Variants in NPC1L1 observed in about 807,000 individuals in gnomAD.
NPC1L1 encodes the protein NPC1 like intracellular cholesterol transporter 1.
Under a neutral mutation model 117.0 loss-of-function variants are expected in NPC1L1, and 98 were observed. The ratio of observed to expected loss-of-function variants is 0.84; its 90% CI spans 0.71 to 0.99. The LOEUF is 0.99. Among genes scored for constraint, NPC1L1 ranks in the 50% least tolerant of loss-of-function variants. The probability of loss-of-function intolerance (pLI) is 0.00; values close to 1 mark genes in which losing one functional copy is unlikely to be tolerated. For synonymous variants in NPC1L1, 729 were observed against 727.6 expected, an observed-to-expected ratio of 1.00 and a Z score of -0.03; for missense variants, 1,540 against 1,710.0, an observed-to-expected ratio of 0.90 and a Z score of 1.75.
At position 44,540,016 on chromosome 7, in the gene NPC1L1, G is replaced by A. The variant is rs144577173; in HGVS notation, c.381C>T (p.Asn127=). 9.5e-5 allele frequency: 154 copies of A among 1,614,128 alleles called. No homozygotes were observed. The highest frequency in any genetic ancestry group is 1.3e-4 in the Non-Finnish European group (149 of 1,180,044). Residue 127 remains asparagine (N), a synonymous_variant, in exon 2 of 19, where the codon AAC becomes AAT. Coordinates refer to ENST00000381160, the MANE Select transcript of NPC1L1 (RefSeq NM_001101648.2). ...AGAGGCTCTGATTGGGGCTGCACGT[G>A]TTGTGGCAGTGCAGGTTCACAAAAT... ...SDNFVNLHCH[N]TCSPNQSLFI...
rs143082401 is a variant in NPC1L1, at chr7:44,536,388, G to T, written c.1722C>A (p.Phe574Leu). The change falls in exon 4 of 19, where the codon TTC becomes TTA. Residue 574 changes from phenylalanine (F) to leucine (L), a missense_variant. By Grantham distance (22) the Phe-to-Leu change is conservative. Transcript: ENST00000381160. The surrounding 1 kb of genome is among the most constrained non-coding windows in gnomAD (Gnocchi z 4.7). ...CCCCGGCAGGGTAATTGTTGAGGGA[G>T]AACGTCATGATCAGGGCCTCTGCCT... ...YSEAEALIMTFSLNNYPAGDP... is the reference protein window; with the variant it reads ...YSEAEALIMTLSLNNYPAGDP... The T allele has an allele frequency of 6.2e-7, 1 of 1,613,998 alleles. No individual in the cohort carries two copies. The highest frequency in any genetic ancestry group is 8.5e-7 in the Non-Finnish European group (1 of 1,180,024).
In NPC1L1 at chr7:44,532,814, G is replaced by T. The variant is rs1801745711; in HGVS notation, c.2410-597C>A. 3.9e-5 allele frequency among the ~76,000 whole-genome samples: 6 copies of T among 152,202 alleles called. No individual in the cohort carries two copies. In the South Asian group the frequency reaches 8.3e-4, roughly 21 times the overall value. ...GCTAGTAGGAATTAAGTTTAGAAGG[G>T]TCAAATGTTACATGCAGACCAGGCA... On this transcript the variant is annotated intron_variant, in intron 8 of 18. Transcript: ENST00000381160.
At chr7:44,518,531 T>C (rs1801256791) in intron 14 of NPC1L1, 2 of 287,150 alleles carry the variant, frequency 7.0e-6, no homozygotes, top group South Asian at 3.2e-5. Flanking sequence ...TAGCTGAGCA[T>C]AGTGGCATGT....
At chr7:44,516,989 G>A in intron 15 of NPC1L1, 55 bp from the exon 16 acceptor site, 1 of 1,539,568 alleles carries the variant, frequency 6.5e-7, no homozygotes, top group Middle Eastern at 2.2e-4. Flanking sequence ...CCTCATGGTG[G>A]GTGGGACACC....
chr7:44,521,527 C>T (rs1563203081), intron 12 of NPC1L1, among the ~76,000 whole-genome samples, 185 bp downstream of exon 12: 2 of 152,224 alleles, frequency 1.3e-5, no homozygotes, highest in African/African-American at 4.8e-5. Context: ...CGGGCCAGCA[C>T]GGTCACCCAC....
Position 44,534,674 on chromosome 7 carries a change from C to A in NPC1L1, c.1984-45G>T. ...AGCCCCCTAGCCACTTAGCACCTAC[C>A]CAGTATGCCCACCAGCCTCAGCTAG... is the stretch of plus-strand genomic sequence containing the variant. On this transcript the variant is annotated intron_variant, in intron 5 of 18. Transcript: ENST00000381160. This position sits in a 1 kb window ranked among gnomAD's most constrained non-coding sequence, Gnocchi z 5.2. The A allele has an allele frequency of 1.2e-6, 2 of 1,602,106 alleles. No homozygotes were observed.
chr7:44,517,340 A>G lies in NPC1L1; in HGVS notation c.3154T>C (p.Tyr1052His). The G allele has an allele frequency of 6.2e-7, 1 of 1,613,058 alleles. No individual in the cohort carries two copies. The change falls in exon 15 of 19, where the codon TAT (tyrosine) becomes CAT (histidine). Residue 1052 changes from tyrosine (Y) to histidine (H), a missense_variant. Tyr to His is a moderately conservative substitution (Grantham distance 83). Transcript: ENST00000381160. Reference protein sequence around the residue: ...GQVLASRFMAYHKPLKNSQDY... With the variant: ...GQVLASRFMAHHKPLKNSQDY... The stretch of plus-strand genomic sequence containing the variant: ...TGTGAGTTTTTCAGGGGCTTGTGAT[A>G]GGCCATGAACCTGGAGGCTGGACAG...
rs1184431519 is a variant in NPC1L1 at position 44,521,033 on chromosome 7, G to A, written c.3039C>T (p.Pro1013=). The A allele has an allele frequency of 3.1e-6, 5 of 1,614,086 alleles. No homozygotes were observed. The highest frequency in any genetic ancestry group is 4.2e-6 in the Non-Finnish European group (5 of 1,180,056). Residue 1013 remains proline, a synonymous_variant, in exon 13 of 19, where the codon CCC becomes CCT. Transcript: ENST00000381160. ...PSVEQFHKYL[P]WFLNDRPNIK... is the part of the protein sequence containing the mutation. ...TGTTGGGCCGGTCGTTCAGGAACCA[G>A]GGAAGATACTTATGGAACTGCTCCA...
chr7:44,539,234 C>T lies in NPC1L1; in HGVS notation c.1163G>A (p.Ser388Asn), dbSNP rs1220440738. 6.2e-7 allele frequency: 1 copy of T among 1,614,120 alleles called. No homozygotes were observed. Among genetic ancestry groups the T allele is most frequent in the South Asian group, 1.1e-5 (1 of 91,086 alleles). ...DPVELWSAPN[S>N]QARSEKAFHD... ...GAAAGCTTTCTCACTCCGGGCTTGG[C>T]TGTTGGGGGCCGACCACAGCTCCAC... Residue 388 changes from serine to asparagine, a missense_variant, in exon 2 of 19, where the codon AGC (serine) becomes AAC (asparagine). Ser to Asn is a conservative substitution (Grantham distance 46). Around this residue, in one of 3 missense-constraint regions of NPC1L1, gnomAD observed 793 missense variants for 820.4 expected, o/e 0.97. Coordinates refer to ENST00000381160, the MANE Select transcript of NPC1L1 (RefSeq NM_001101648.2). The surrounding 1 kb of genome is among the most constrained non-coding windows in gnomAD (Gnocchi z 4.4).
Position 44,535,971 on chromosome 7 carries a change from G to T in NPC1L1, c.1855-3C>A. 9 of 1,612,974 alleles carry T rather than the reference G, an allele frequency of 5.6e-6. No homozygotes were observed. Among genetic ancestry groups the T allele is most frequent in the Non-Finnish European group, 7.6e-6 (9 of 1,180,020 alleles). On this transcript the variant is annotated splice_region_variant and splice_polypyrimidine_tract_variant and intron_variant, in intron 4 of 18. Coordinates refer to ENST00000381160, the MANE Select transcript of NPC1L1 (RefSeq NM_001101648.2). ...TTGATCTCGTCTTCCAGAGAGCGCT[G>T]TGGACACACACCCGACCAGCCCCCA...
Position 44,536,186 on chromosome 7 carries a change from T to C in NPC1L1, c.1854+70A>G. ...CACTTAGGAAGGGCCAGGGCCAGGA[T>C]GGGGACACAGGAACTGACCCAAGAC... On this transcript the variant is annotated intron_variant, in intron 4 of 18. Transcript: ENST00000381160. This position sits in a 1 kb window ranked among gnomAD's most constrained non-coding sequence, Gnocchi z 4.7. The C allele has an allele frequency of 3.7e-6, 6 of 1,605,020 alleles. No individual in the cohort carries two copies. Among genetic ancestry groups the C allele is most frequent in the Non-Finnish European group, 4.3e-6 (5 of 1,173,686 alleles).
In NPC1L1 at chr7:44,536,931, G is replaced by A. The variant is rs202099015; in HGVS notation, c.1592C>T (p.Thr531Ile). 1.8e-4 allele frequency: 289 copies of A among 1,613,994 alleles called. No individual in the cohort carries two copies. Among genetic ancestry groups the A allele is most frequent in the Non-Finnish European group, 2.3e-4 (272 of 1,179,930 alleles). Residue 531 changes from threonine to isoleucine, a missense_variant, in exon 3 of 19, where the codon ACC becomes ATC. Physicochemically the swap from Thr to Ile is moderately conservative, Grantham distance 89 (BLOSUM62 -1). Around this residue, in one of 3 missense-constraint regions of NPC1L1, gnomAD observed 793 missense variants for 820.4 expected, o/e 0.97. Transcript: ENST00000381160. The surrounding 1 kb of genome is among the most constrained non-coding windows in gnomAD (Gnocchi z 4.7). ...GGCCAGGGCTGTGCCATCCTTGAAG[G>A]TGAGCGGGGCACTAGAGGGAGATGA... is the stretch of plus-strand genomic sequence containing the variant. ...HFLYCANAPL[T>I]FKDGTALALS...
At chr7:44,519,532 G>A (rs1156404362) in intron 14 of NPC1L1, among the ~76,000 whole-genome samples, 3 of 152,076 alleles carry the variant, frequency 2.0e-5, no homozygotes, top group East Asian at 3.9e-4. Context: ...TGGGGTGAGC[G>A]AACTTGAGGC....
chr7:44,537,449 T>C (rs1274338525), intron 2 of NPC1L1, among the ~76,000 whole-genome samples: 2 of 152,200 alleles, frequency 1.3e-5, no homozygotes, highest in East Asian at 3.9e-4. Flanking sequence ...CCTTTAGGTA[T>C]TGAGGTTAGA....
chr7:44,539,191 G>T lies in NPC1L1; in HGVS notation c.1206C>A (p.Gly402=). 6.2e-7 allele frequency: 1 copy of T among 1,614,110 alleles called. No individual in the cohort carries two copies. Among genetic ancestry groups the T allele is most frequent in the Non-Finnish European group, 8.5e-7 (1 of 1,180,028 alleles). The change falls in exon 2 of 19, where the codon GGC becomes GGA. Residue 402 remains glycine (G), a synonymous_variant. Transcript: ENST00000381160. The surrounding 1 kb of genome is among the most constrained non-coding windows in gnomAD (Gnocchi z 4.4). ...TCACCTGGTTGGTTCGGAAGAAGGG[G>T]CCGAAATGCTGGTCATGGAAAGCTT... ...SEKAFHDQHF[G]PFFRTNQVIL...
rs372864437 is a variant in NPC1L1, at chr7:44,513,413, G to A, written c.*34C>T. The A allele has an allele frequency of 1.4e-5, 23 of 1,599,336 alleles. No homozygotes were observed. The highest frequency in any genetic ancestry group is 1.3e-4 in the East Asian group (6 of 44,832). On this transcript the variant is annotated 3_prime_UTR_variant, in exon 19 of 19. Transcript: ENST00000381160. ...AAGATCCCCATAACCCTTTGGTTCA[G>A]GGCCATAGAGCCTAGACAGGGCCTC...
chr7:44,539,659 G>T lies in NPC1L1; in HGVS notation c.738C>A (p.Ser246=). ...AGCAGGTCGCCACGTCGTCACCTTG[G>T]GACTCATTGCAACGTGCAACCCCCT... is the stretch of plus-strand genomic sequence containing the variant. The part of the protein sequence containing the change: ...LNEGVARCNE[S]QGDDVATCSC... Residue 246 remains serine (S), a synonymous_variant, in exon 2 of 19, where the codon TCC becomes TCA. Transcript: ENST00000381160. The surrounding 1 kb of genome is among the most constrained non-coding windows in gnomAD (Gnocchi z 4.4). 6.2e-7 allele frequency: 1 copy of T among 1,613,928 alleles called. No homozygotes were observed. Among genetic ancestry groups the T allele is most frequent in the Middle Eastern group, 1.6e-4 (1 of 6,062 alleles).
At chr7:44,531,650 C>T in intron 10 of NPC1L1, 105 bp downstream of exon 10, 1 of 988,470 alleles carries the variant, frequency 1.0e-6, no homozygotes, top group Non-Finnish European at 1.6e-6. Context: ...TTCTGCACCT[C>T]TGGCCAAGCC....
At chr7:44,516,256 G>T in intron 16 of NPC1L1, 59 bp from the exon 17 acceptor site, 1 of 1,416,888 alleles carries the variant, frequency 7.1e-7, no homozygotes, top group Non-Finnish European at 9.8e-7. Flanking sequence ...GAACTAGGGA[G>T]ATGAGGCCTC....
Sources: gnomAD v4.1 joint callset for allele counts (sites outside exome capture counted in the v4.1 genomes callset) on GRCh38, gnomAD v4.1.1 for gene constraint, gnomAD v4.1.1 regional missense constraint, Gnocchi (gnomAD v3.1) non-coding constraint, MANE v1.5 for transcripts, NCBI Gene and HGNC (gene_info 2026-07-23, HGNC 2026-07-21) for gene names.